The following TMCC1 variants were observed in gnomAD, a reference collection of about 807,000 sequenced individuals.
TMCC1 encodes the protein transmembrane and coiled-coil domains protein 1.
In TMCC1, 15 loss-of-function variants were observed where a neutral mutation model predicts 52.4. That is an observed-to-expected ratio of 0.29 (90% CI 0.19 to 0.44). TMCC1 has a LOEUF of 0.44. TMCC1 is among the 20% of genes least tolerant of loss of function. TMCC1 has a pLI of 1.00. For synonymous variants in TMCC1, 279 were observed against 301.9 expected, an observed-to-expected ratio of 0.92 and a Z score of 0.79; for missense variants, 503 against 806.0, an observed-to-expected ratio of 0.62 and a Z score of 4.55.
chr3:129,787,668 A>G lies in TMCC1; in HGVS notation c.576+40135T>C, dbSNP rs140424755. On this transcript the variant is annotated intron_variant, in intron 4 of 6. Transcript: ENST00000393238. ...GTAAAATGTGTTCCTGCCTTTATCA[A>G]TGATTCCCAAAATATGCTTTCAGAA... Among the ~76,000 whole-genome samples the G allele has an allele frequency of 3.3e-3, 496 of 152,318 alleles. 2 individuals carry two copies. Among genetic ancestry groups the G allele is most frequent in the African/African-American group, 0.011 (465 of 41,578 alleles).
At chr3:129,810,292 G>A (rs113363747) in intron 4 of TMCC1, among the ~76,000 whole-genome samples, 3 of 152,056 alleles carry the variant, frequency 2.0e-5, no homozygotes, top group African/African-American at 7.2e-5. Context: ...CAGGAGGCAG[G>A]GGTTGCAGTG....
chr3:129,804,337 G>C (rs1056187661), intron 4 of TMCC1, among the ~76,000 whole-genome samples: 1 of 151,986 alleles, frequency 6.6e-6, no homozygotes, highest in Non-Finnish European at 1.5e-5. Context: ...ACATTTTTTT[G>C]TGCTATTCTT....
At chr3:129,844,659 C>T (rs1019568891) in intron 2 of TMCC1, among the ~76,000 whole-genome samples, 6 of 152,178 alleles carry the variant, frequency 3.9e-5, no homozygotes, top group Admixed American at 2.6e-4. Flanking sequence ...TGCCTTGATT[C>T]TAACACTATT....
intron 4 of TMCC1, among the ~76,000 whole-genome samples, chr3:129,824,550 G>T (rs2058574055): frequency 6.6e-6 from 1 of 152,102 alleles, no homozygotes; most frequent in Non-Finnish European, 1.5e-5. Context: ...TATATTAAAG[G>T]AAACTCAGTA....
chr3:129,859,651 TACACACACACACACAC>T (rs59213877), intron 2 of TMCC1, among the ~76,000 whole-genome samples: 25 of 148,688 alleles, frequency 1.7e-4, no homozygotes, highest in Non-Finnish European at 3.0e-4. Flanking sequence ...CACACACACA[TACACACACACACACAC>T]ACACACACAC....
chr3:129,674,245 G>A lies in TMCC1; in HGVS notation c.577-2981C>T, dbSNP rs967867198. Among the ~76,000 whole-genome samples the A allele has an allele frequency of 5.3e-5, 8 of 152,166 alleles. No homozygotes were observed. The South Asian group carries it at 8.3e-4, about 16-fold the overall frequency. On this transcript the variant is annotated intron_variant, in intron 4 of 6. Transcript: ENST00000393238. ...TGTAGTAACTGAAGAAATAAACTAG[G>A]CTGTCTTTAATCTGACTTCCGTCCT...
intron 4 of TMCC1, among the ~76,000 whole-genome samples, chr3:129,726,024 T>C (rs1490452031): frequency 6.6e-6 from 1 of 152,178 alleles, no homozygotes; most frequent in Non-Finnish European, 1.5e-5. Context: ...TGATAAATTA[T>C]GTAAATCTGT....
At chr3:129,810,513 G>GA (rs2057748513) in intron 4 of TMCC1, among the ~76,000 whole-genome samples, 1 of 152,048 alleles carries the variant, frequency 6.6e-6, no homozygotes, top group Non-Finnish European at 1.5e-5. Context: ...CCTGACAATA[G>GA]AAAACAGCTT....
chr3:129,785,830 G>A (rs1260553912), intron 4 of TMCC1, among the ~76,000 whole-genome samples: 1 of 151,314 alleles, frequency 6.6e-6, no homozygotes, highest in East Asian at 1.9e-4. Flanking sequence ...AAGACATTTA[G>A]TTTAGCAACC....
intron 2 of TMCC1, among the ~76,000 whole-genome samples, chr3:129,871,281 C>T (rs536520476): frequency 1.0e-3 from 152 of 151,226 alleles, no homozygotes; most frequent in African/African-American, 3.4e-3. Context: ...ATTGCTTGAA[C>T]CCAGGAAGTG....
At chr3:129,762,048 T>TTTG (rs1373229595) in intron 4 of TMCC1, among the ~76,000 whole-genome samples, 1 of 150,564 alleles carries the variant, frequency 6.6e-6, no homozygotes, top group African/African-American at 2.4e-5. Flanking sequence ...CTTTTTTTTT[T>TTTG]TTTTTTGAGA....
chr3:129,751,226 G>A (rs959298299), intron 4 of TMCC1, among the ~76,000 whole-genome samples: 1 of 150,014 alleles, frequency 6.7e-6, no homozygotes, highest in Admixed American at 6.6e-5. Context: ...CAAAAATTCG[G>A]GAAAAAAAAG....
At chr3:129,796,877 T>C (rs147188802) in intron 4 of TMCC1, among the ~76,000 whole-genome samples, 24 of 152,128 alleles carry the variant, frequency 1.6e-4, no homozygotes, top group Non-Finnish European at 2.8e-4. Context: ...GAGAAAATCA[T>C]GTAGTGTTTG....
intron 4 of TMCC1, among the ~76,000 whole-genome samples, chr3:129,741,399 T>C (rs953198742): frequency 2.0e-5 from 3 of 152,156 alleles, no homozygotes; most frequent in Admixed American, 6.5e-5. Flanking sequence ...CTCCATTTTA[T>C]AAAAGAGAAG....
At chr3:129,818,930 G>C (rs2058268334) in intron 4 of TMCC1, 1 of 152,844 alleles carries the variant, frequency 6.5e-6, no homozygotes, top group African/African-American at 2.4e-5. Context: ...GGTAGAAGTT[G>C]AGGCTGGTCC....
Position 129,883,133 on chromosome 3 carries a change from AC to A in TMCC1, c.-434-2575del, listed in dbSNP as rs569182872. Reference sequence around the variant, plus strand: ...GTGAAACCCTGCCTCTACTAAAAACACACACACACACACACACACACACACA... The same window carrying A: ...GTGAAACCCTGCCTCTACTAAAAACAACACACACACACACACACACACACA... On this transcript the variant is annotated intron_variant, in intron 1 of 6. Transcript: ENST00000393238. Among the ~76,000 whole-genome samples the A allele has an allele frequency of 2.1e-3, 175 of 83,460 alleles. 2 individuals are homozygous for A. The East Asian group carries it at 0.098, about 47-fold the overall frequency. 54.8% of individuals were successfully genotyped at this position (83,460 alleles called of 152,430 possible). A position where few individuals can be genotyped will look rare whatever the true frequency, so the allele number is the denominator to read the frequency against.
At chr3:129,687,449 A>G (rs377690024) in intron 4 of TMCC1, among the ~76,000 whole-genome samples, 159 of 152,364 alleles carry the variant, frequency 1.0e-3, no homozygotes, top group African/African-American at 3.4e-3. Context: ...AAAGTAAAAC[A>G]TACATTTTAA....
At chr3:129,783,146 G>A (rs914147028) in intron 4 of TMCC1, among the ~76,000 whole-genome samples, 1 of 152,140 alleles carries the variant, frequency 6.6e-6, no homozygotes, top group Non-Finnish European at 1.5e-5. Context: ...CTCAAGTATT[G>A]TGTCACTACT....
At chr3:129,664,657 A>G (rs2087312402) in intron 5 of TMCC1, among the ~76,000 whole-genome samples, 1 of 152,218 alleles carries the variant, frequency 6.6e-6, no homozygotes, top group Non-Finnish European at 1.5e-5. Flanking sequence ...TATACAGGCT[A>G]CAGTAGCTCA....
Sources: gnomAD v4.1 joint callset for allele counts (sites outside exome capture counted in the v4.1 genomes callset) on GRCh38, gnomAD v4.1.1 for gene constraint, MANE v1.5 for transcripts, NCBI Gene and HGNC (gene_info 2026-07-23, HGNC 2026-07-21) for gene names.